Variants in TENT5D observed in about 807,000 individuals in gnomAD.
The protein encoded by TENT5D is cancer/testis antigen 112.
For missense variants in TENT5D, 191 were observed against 287.0 expected (o/e 0.67, Z 2.42); for synonymous variants, 103 against 100.6 (o/e 1.02, Z -0.15).
At chrX:80,340,573 T>C (rs1929938791) in intron 2 of TENT5D, among the ~76,000 whole-genome samples, 1 of 111,061 alleles carries the variant, frequency 9.0e-6, no homozygotes, top group Non-Finnish European at 1.9e-5. Flanking sequence ...ACCCACATTC[T>C]ATGATTTTTG....
At chrX:80,371,238 T>G (rs1193605159) in intron 3 of TENT5D, among the ~76,000 whole-genome samples, 2 of 111,938 alleles carry the variant, frequency 1.8e-5, no homozygotes, top group Non-Finnish European at 3.8e-5. Context: ...AACAGTGGGC[T>G]TCAAATATCC....
intron 3 of TENT5D, among the ~76,000 whole-genome samples, chrX:80,385,282 T>G (rs1194995542): frequency 1.8e-5 from 2 of 111,063 alleles, no homozygotes; most frequent in African/African-American, 6.6e-5. Flanking sequence ...TCTACAACTA[T>G]CTGATCCTTG....
intron 3 of TENT5D, among the ~76,000 whole-genome samples, chrX:80,378,462 C>T (rs1930779665): frequency 9.0e-6 from 1 of 111,395 alleles, no homozygotes; most frequent in African/African-American, 3.3e-5. Flanking sequence ...TATAGCTAGC[C>T]AGTTTTCCAT....
intron 2 of TENT5D, chrX:80,335,777 G>C (rs745373074): frequency 9.0e-6 from 1 of 111,581 alleles, no homozygotes; most frequent in Non-Finnish European, 1.9e-5. Flanking sequence ...GGGTCTAAGG[G>C]ATAGCGCGGC....
intron 3 of TENT5D, among the ~76,000 whole-genome samples, chrX:80,397,000 C>G (rs1931272791): frequency 1.1e-5 from 1 of 94,686 alleles, no homozygotes; most frequent in Non-Finnish European, 2.1e-5. Flanking sequence ...CCCCTCACCT[C>G]CCGGACGGGG....
intron 1 of TENT5D, among the ~76,000 whole-genome samples, chrX:80,430,089 G>A (rs1932059066): frequency 9.1e-6 from 1 of 110,005 alleles, no homozygotes; most frequent in Non-Finnish European, 1.9e-5. Flanking sequence ...TCTCTCTGCT[G>A]CCTGTAGGGC....
At chrX:80,386,128 A>G (rs1006265958) in intron 3 of TENT5D, among the ~76,000 whole-genome samples, 2 of 112,251 alleles carry the variant, frequency 1.8e-5, no homozygotes, top group Non-Finnish European at 3.8e-5. Flanking sequence ...GCACACATAT[A>G]TTTATTGCAG....
At chrX:80,400,681 G>T (rs1015032641) in intron 3 of TENT5D, among the ~76,000 whole-genome samples, 1 of 111,724 alleles carries the variant, frequency 9.0e-6, no homozygotes, top group African/African-American at 3.3e-5. Flanking sequence ...TGATTTTCTG[G>T]ATTTGATGTT....
upstream of TENT5D, among the ~76,000 whole-genome samples, chrX:80,418,281 G>C (rs191857238): frequency 9.1e-6 from 1 of 109,971 alleles, no homozygotes; most frequent in East Asian, 2.9e-4. Flanking sequence ...TCCCAAATTG[G>C]TAGGATTACC....
chrX:80,419,664 TTAG>T (rs774716843), upstream of TENT5D, among the ~76,000 whole-genome samples: 1 of 112,705 alleles, frequency 8.9e-6, no homozygotes, highest in South Asian at 3.6e-4. Flanking sequence ...TTTTTAAAAA[TTAG>T]TTGTTGGCAC....
chrX:80,366,987 G>A (rs1232708453), intron 3 of TENT5D, among the ~76,000 whole-genome samples: 1 of 111,373 alleles, frequency 9.0e-6, no homozygotes, highest in East Asian at 2.8e-4. Flanking sequence ...ATACATGAAA[G>A]ATGTAGGACT....
At chrX:80,356,616 G>A (rs1424006152) in intron 3 of TENT5D, among the ~76,000 whole-genome samples, 2 of 111,244 alleles carry the variant, frequency 1.8e-5, no homozygotes, top group Non-Finnish European at 3.8e-5. Context: ...TTATCCTAAC[G>A]CAAAAGATTC....
intron 1 of TENT5D, among the ~76,000 whole-genome samples, chrX:80,431,241 G>A (rs925179410): frequency 9.0e-6 from 1 of 111,249 alleles, no homozygotes; most frequent in African/African-American, 3.3e-5. Context: ...TATTGAAAGT[G>A]GAGTTTTTCT....
At chrX:80,399,892 G>GT (rs1216891485) in intron 3 of TENT5D, among the ~76,000 whole-genome samples, 2 of 111,952 alleles carry the variant, frequency 1.8e-5, no homozygotes, top group Admixed American at 9.5e-5. Context: ...AATGATATTT[G>GT]ACTTCCCAAA....
intron 1 of TENT5D, among the ~76,000 whole-genome samples, chrX:80,433,659 C>G (rs1236821875): frequency 9.0e-6 from 1 of 111,607 alleles, no homozygotes; most frequent in African/African-American, 3.3e-5. Context: ...TTTATAGGTG[C>G]CTAGCATGTT....
chrX:80,432,872 A>G (rs887162742), intron 1 of TENT5D, among the ~76,000 whole-genome samples: 2 of 110,978 alleles, frequency 1.8e-5, no homozygotes, highest in East Asian at 5.7e-4. Context: ...GGGAAGGACT[A>G]TGCTTAGTCT....
intron 3 of TENT5D, among the ~76,000 whole-genome samples, chrX:80,408,948 G>A (rs1376607752): frequency 9.0e-6 from 1 of 110,656 alleles, no homozygotes; most frequent in Non-Finnish European, 1.9e-5. Flanking sequence ...TTCAATATAC[G>A]CAAATCAATA....
intron 3 of TENT5D, among the ~76,000 whole-genome samples, chrX:80,383,481 TA>T (rs750538530): frequency 8.9e-4 from 100 of 112,344 alleles, no homozygotes; most frequent in Non-Finnish European, 1.7e-3. Context: ...TTCATATATA[TA>T]AAAGTACTGA....
intron 3 of TENT5D, among the ~76,000 whole-genome samples, chrX:80,386,688 A>G (rs1392791051): frequency 8.9e-6 from 1 of 112,080 alleles, no homozygotes; most frequent in African/African-American, 3.2e-5. Flanking sequence ...CTTCCTACCT[A>G]TCCTTGCCCA....
Sources: gnomAD v4.1 joint callset for allele counts (sites outside exome capture counted in the v4.1 genomes callset) on GRCh38, gnomAD v4.1.1 for gene constraint, MANE v1.5 for transcripts, NCBI Gene and HGNC (gene_info 2026-07-23, HGNC 2026-07-21) for gene names.